The following PARD3 variants were observed in gnomAD, a reference collection of about 807,000 sequenced individuals.
The protein encoded by PARD3 is par-3 family cell polarity regulator, also known as partitioning defective 3 homolog.
In PARD3, 75 loss-of-function variants were observed where a neutral mutation model predicts 155.4. The ratio of observed to expected loss-of-function variants is 0.48; its 90% CI spans 0.40 to 0.58. The LOEUF is 0.58. Among genes scored for constraint, PARD3 ranks in the 20% least tolerant of loss-of-function variants. The pLI is 0.00. For synonymous variants in PARD3, 576 were observed against 610.5 expected (o/e 0.94, Z 0.83); for missense variants, 1,642 against 1,721.7 (o/e 0.95, Z 0.82).
intron 1 of PARD3, among the ~76,000 whole-genome samples, chr10:34,750,506 C>T (rs1440498371): frequency 7.2e-6 from 1 of 138,570 alleles, no homozygotes; most frequent in Non-Finnish European, 1.6e-5. Flanking sequence ...CACACACACA[C>T]ACACCCTAAG....
At chr10:34,688,535 CACG>C (rs1354102697) in intron 2 of PARD3, among the ~76,000 whole-genome samples, 4 of 152,148 alleles carry the variant, frequency 2.6e-5, no homozygotes, top group Admixed American at 1.3e-4. Flanking sequence ...TAAGAGTAAA[CACG>C]ACATCACTGT....
At chr10:34,700,912 T>G (rs980514397) in intron 1 of PARD3, among the ~76,000 whole-genome samples, 1 of 151,662 alleles carries the variant, frequency 6.6e-6, no homozygotes, top group Non-Finnish European at 1.5e-5. Context: ...GAGGCGGAGG[T>G]TGCAGTGAGC....
chr10:34,684,670 CA>C (rs1428008468), intron 2 of PARD3, among the ~76,000 whole-genome samples: 1 of 152,032 alleles, frequency 6.6e-6, no homozygotes, highest in Non-Finnish European at 1.5e-5. Flanking sequence ...CCTCCTCATT[CA>C]TTCTTCACAC....
intron 3 of PARD3, among the ~76,000 whole-genome samples, chr10:34,502,284 G>A (rs1394574160): frequency 1.3e-5 from 2 of 152,168 alleles, no homozygotes; most frequent in Non-Finnish European, 2.9e-5. Context: ...GAGTCAGAGA[G>A]AGATGTAACC....
intron 22 of PARD3, among the ~76,000 whole-genome samples, chr10:34,149,243 A>C (rs1948668416): frequency 6.6e-6 from 1 of 152,118 alleles, no homozygotes; most frequent in Non-Finnish European, 1.5e-5. Context: ...TTTAGGTAGA[A>C]ATCATCTAGT....
chr10:34,705,475 C>G (rs7908983), intron 1 of PARD3, among the ~76,000 whole-genome samples: 105,454 of 150,188 alleles, frequency 0.7, 37,126 homozygotes, highest in African/African-American at 0.75. Context: ...GCAACAAGTT[C>G]AGACCCTGTC....
intron 22 of PARD3, among the ~76,000 whole-genome samples, chr10:34,207,724 T>C (rs773137246): frequency 2.6e-5 from 4 of 152,232 alleles, no homozygotes; most frequent in Non-Finnish European, 5.9e-5. Context: ...ACATTCCAAC[T>C]GATATTTACC....
At chr10:34,609,597 C>G (rs1189307231) in intron 2 of PARD3, among the ~76,000 whole-genome samples, 1 of 152,228 alleles carries the variant, frequency 6.6e-6, no homozygotes, top group African/African-American at 2.4e-5. Context: ...GACTGGAGTG[C>G]AGGGGCACAA....
intron 2 of PARD3, among the ~76,000 whole-genome samples, chr10:34,535,098 GC>G (rs1242350071): frequency 6.6e-6 from 1 of 152,110 alleles, no homozygotes; most frequent in Non-Finnish European, 1.5e-5. Flanking sequence ...AATATTAAGT[GC>G]AACAAAAAAA....
intron 22 of PARD3, among the ~76,000 whole-genome samples, chr10:34,222,688 C>G (rs1045916728): frequency 6.6e-6 from 1 of 152,206 alleles, no homozygotes; most frequent in Non-Finnish European, 1.5e-5. Context: ...ACTGGATCAG[C>G]ACTTTACTTA....
At chr10:34,508,151 A>G (rs1037852265) in intron 3 of PARD3, among the ~76,000 whole-genome samples, 1 of 152,202 alleles carries the variant, frequency 6.6e-6, no homozygotes, top group African/African-American at 2.4e-5. Flanking sequence ...ATATTTCTTT[A>G]AGGTCTAAAT....
At chr10:34,327,543 C>A (rs1835157689) in intron 19 of PARD3, among the ~76,000 whole-genome samples, 2 of 152,140 alleles carry the variant, frequency 1.3e-5, no homozygotes, top group South Asian at 2.1e-4. Context: ...ATCAACCATG[C>A]CTACGCCTAT....
chr10:34,189,569 A>T (rs901416878), intron 22 of PARD3, among the ~76,000 whole-genome samples: 5 of 152,182 alleles, frequency 3.3e-5, no homozygotes, highest in Non-Finnish European at 7.4e-5. Flanking sequence ...ATGAGGCAGT[A>T]AGTATTAATT....
chr10:34,147,741 C>T lies in PARD3; in HGVS notation c.3420-16158G>A, dbSNP rs965798485. On this transcript the variant is annotated intron_variant, in intron 22 of 24. Coordinates refer to ENST00000374788, the MANE Select transcript of PARD3 (RefSeq NM_001184785.2). ...TATATATATAATTTTTTAAAAAAAT[C>T]TTTCAGCTCCTATGAAAGGGCTGGG... is the stretch of plus-strand genomic sequence containing the variant. Among the ~76,000 whole-genome samples the T allele has an allele frequency of 3.3e-5, 5 of 151,952 alleles. No individual in the cohort carries two copies. The South Asian group carries it at 8.3e-4, about 25-fold the overall frequency.
intron 1 of PARD3, among the ~76,000 whole-genome samples, chr10:34,813,577 C>T (rs1388953630): frequency 2.6e-5 from 4 of 152,184 alleles, no homozygotes; most frequent in Non-Finnish European, 4.4e-5. Context: ...ATCCTTGTGT[C>T]GGGTCTCCAA....
chr10:34,265,770 T>C lies in PARD3; in HGVS notation c.3419+3887A>G, dbSNP rs910628184. 2.0e-5 allele frequency among the ~76,000 whole-genome samples: 3 copies of C among 152,186 alleles called. No individual in the cohort carries two copies. The East Asian group carries it at 5.8e-4, about 29-fold the overall frequency. On this transcript the variant is annotated intron_variant, in intron 22 of 24. Transcript: ENST00000374788. The stretch of plus-strand genomic sequence containing the variant: ...TGGGTTTACACACATGAAGGCACGA[T>C]GGAATGCTATTTTCACTGTCTCCGG...
chr10:34,381,053 A>G (rs756636053), intron 9 of PARD3, among the ~76,000 whole-genome samples: 13 of 152,214 alleles, frequency 8.5e-5, no homozygotes, highest in Non-Finnish European at 1.6e-4. Flanking sequence ...ACTCCTGATC[A>G]TGTCAACCAA....
At chr10:34,265,899 A>C (rs1955277280) in intron 22 of PARD3, among the ~76,000 whole-genome samples, 1 of 152,206 alleles carries the variant, frequency 6.6e-6, no homozygotes, top group African/African-American at 2.4e-5. Flanking sequence ...AACTGCAGAA[A>C]TTCAACAGAG....
chr10:34,792,944 A>G (rs1031725694), intron 1 of PARD3, among the ~76,000 whole-genome samples: 1 of 152,260 alleles, frequency 6.6e-6, no homozygotes, highest in Non-Finnish European at 1.5e-5. Context: ...GTGATTCTTT[A>G]TATACCTTGA....
Sources: gnomAD v4.1 joint callset for allele counts (sites outside exome capture counted in the v4.1 genomes callset) on GRCh38, gnomAD v4.1.1 for gene constraint, MANE v1.5 for transcripts, NCBI Gene and HGNC (gene_info 2026-07-23, HGNC 2026-07-21) for gene names.